AP3S1: variants seen among roughly 807,000 people sequenced by gnomAD.
AP3S1 encodes the protein adaptor related protein complex 3 subunit sigma 1, also known as AP-3 complex subunit sigma-1.
AP3S1 carries 12 observed loss-of-function variants against 21.3 expected under a neutral mutation model. The observed-to-expected ratio is 0.56, with a 90% CI of 0.36 to 0.91. The LOEUF (loss-of-function observed/expected upper bound fraction) is 0.91. AP3S1 is among the 40% of genes least tolerant of loss of function. The pLI is 0.01. For missense variants in AP3S1, 116 were observed against 225.0 expected, an observed-to-expected ratio of 0.52 and a Z score of 3.10; for synonymous variants, 48 against 78.4, an observed-to-expected ratio of 0.61 and a Z score of 2.05.
In AP3S1 at chr5:115,880,972, G is replaced by A. The variant is rs528463987; in HGVS notation, c.273+10844G>A. On this transcript the variant is annotated intron_variant, in intron 3 of 5. Transcript: ENST00000316788. ...TGTGATGCCCTTCTTTGTCTTTTTTGATCTTTGTTGGTTTAAAGTCTGTTT... is the reference window on the plus strand; with the variant it reads ...TGTGATGCCCTTCTTTGTCTTTTTTAATCTTTGTTGGTTTAAAGTCTGTTT... Among the ~76,000 whole-genome samples the A allele has an allele frequency of 8.6e-4, 130 of 151,618 alleles. 2 individuals carry two copies. Among genetic ancestry groups the A allele is most frequent in the African/African-American group, 3.0e-3 (125 of 41,378 alleles).
chr5:115,912,427 G>A (rs115474128), intron 5 of AP3S1, among the ~76,000 whole-genome samples: 527 of 152,072 alleles, frequency 3.5e-3, no homozygotes, highest in African/African-American at 0.012. Flanking sequence ...GGCTGTTAAC[G>A]TAGGTGAGAA....
At chr5:115,844,879 C>T (rs1056482022) in intron 1 of AP3S1, among the ~76,000 whole-genome samples, 14 of 152,114 alleles carry the variant, frequency 9.2e-5, no homozygotes, top group African/African-American at 3.4e-4. Flanking sequence ...CTTGAAGGAA[C>T]GTATCAGATT....
intron 3 of AP3S1, among the ~76,000 whole-genome samples, chr5:115,890,618 A>G (rs1310059754): frequency 1.3e-5 from 2 of 152,202 alleles, no homozygotes; most frequent in South Asian, 2.1e-4. Context: ...GTACTTTTCT[A>G]TGTGTATGTT....
At chr5:115,908,856 G>A (rs1380576271) in intron 5 of AP3S1, 10 of 374,714 alleles carry the variant, frequency 2.7e-5, no homozygotes, top group Admixed American at 6.5e-5. Context: ...TTAAACTATT[G>A]ACATTTTCTT....
At chr5:115,907,529 TA>T (rs1477908955) in intron 5 of AP3S1, among the ~76,000 whole-genome samples, 10 of 152,166 alleles carry the variant, frequency 6.6e-5, no homozygotes, top group African/African-American at 2.4e-4. Context: ...AACTTGACTG[TA>T]TTTCAAACTA....
At chr5:115,861,552 AT>A (rs1561482888) in intron 1 of AP3S1, among the ~76,000 whole-genome samples, 4 of 152,190 alleles carry the variant, frequency 2.6e-5, no homozygotes, top group Admixed American at 2.0e-4. Context: ...TTAAAAAGTT[AT>A]TATTAAAAAA....
At chr5:115,843,341 C>T (rs1174563386) in intron 1 of AP3S1, among the ~76,000 whole-genome samples, 4 of 152,204 alleles carry the variant, frequency 2.6e-5, no homozygotes, top group Non-Finnish European at 5.9e-5. Flanking sequence ...ATAATGCAGT[C>T]TGGAGGTGTT....
In AP3S1 at chr5:115,902,918, G is replaced by A; in HGVS notation, c.379G>A (p.Gly127Arg). 2 of 1,613,356 alleles carry A rather than the reference G, an allele frequency of 1.2e-6. No individual in the cohort carries two copies. Among genetic ancestry groups the A allele is most frequent in the Non-Finnish European group, 1.7e-6 (2 of 1,179,826 alleles). ...HNILAEMVMG[G>R]MVLETNMNEI... ...TATTCTTGCAGAAATGGTGATGGGG[G>A]GAATGGTATTGGAGACAAATATGAA... Residue 127 changes from glycine to arginine, a missense_variant, in exon 5 of 6, where the codon GGA becomes AGA. Physicochemically the swap from Gly to Arg is moderately radical, Grantham distance 125. Transcript: ENST00000316788.
chr5:115,912,862 T>C (rs1443239185), intron 5 of AP3S1, among the ~76,000 whole-genome samples: 1 of 152,110 alleles, frequency 6.6e-6, no homozygotes, highest in Non-Finnish European at 1.5e-5. Flanking sequence ...ACTAATTTTA[T>C]TGTTTTAAAA....
intron 1 of AP3S1, among the ~76,000 whole-genome samples, chr5:115,860,466 A>G (rs762427068): frequency 2.0e-4 from 31 of 152,174 alleles, no homozygotes; most frequent in Non-Finnish European, 4.1e-4. Context: ...TAATAAAATT[A>G]TGAACTTTTG....
In AP3S1 at chr5:115,903,131, A is replaced by G. The variant is rs182809021; in HGVS notation, c.453+139A>G. The G allele has an allele frequency of 9.7e-6, 6 of 617,888 alleles. No homozygotes were observed. The East Asian group carries it at 1.9e-4, about 20-fold the overall frequency. The allele number at this position is 617,888 out of a possible 1,614,324, so 38.3% of individuals were successfully genotyped here. A position where few individuals can be genotyped will look rare whatever the true frequency, so the allele number is the denominator to read the frequency against. On this transcript the variant is annotated intron_variant, in intron 5 of 5. Transcript: ENST00000316788. ...TGCTTATTCAGTTTTTAAAAAATGGAATATACACGTAGTATGCTAAAGGTT... is the reference window on the plus strand; with the variant it reads ...TGCTTATTCAGTTTTTAAAAAATGGGATATACACGTAGTATGCTAAAGGTT...
chr5:115,902,967 C>T lies in AP3S1; in HGVS notation c.428C>T (p.Ala143Val). ...AATGAGATTGTTACACAAATTGATG[C>T]ACAAAATAAGCTGGAAAAATCTGAG... Reference protein sequence around the residue: ...NMNEIVTQIDAQNKLEKSEAG... With the variant: ...NMNEIVTQIDVQNKLEKSEAG... Residue 143 changes from alanine to valine, a missense_variant, in exon 5 of 6, where the codon GCA becomes GTA. Coordinates refer to ENST00000316788, the MANE Select transcript of AP3S1 (RefSeq NM_001284.4). 6.2e-7 allele frequency: 1 copy of T among 1,613,686 alleles called. No homozygotes were observed. Among genetic ancestry groups the T allele is most frequent in the Non-Finnish European group, 8.5e-7 (1 of 1,179,822 alleles).
intron 5 of AP3S1, among the ~76,000 whole-genome samples, chr5:115,911,695 T>C (rs1487853852): frequency 6.6e-6 from 1 of 152,044 alleles, no homozygotes; most frequent in Non-Finnish European, 1.5e-5. Context: ...GCTAGACCTT[T>C]AACTTGAAAC....
chr5:115,871,582 C>G (rs1213273909), intron 3 of AP3S1, among the ~76,000 whole-genome samples: 1 of 152,016 alleles, frequency 6.6e-6, no homozygotes, highest in African/African-American at 2.4e-5. Flanking sequence ...TTACTGATGT[C>G]TTACTTTCCT....
chr5:115,896,772 C>A (rs1561519102), intron 4 of AP3S1, among the ~76,000 whole-genome samples: 1 of 151,838 alleles, frequency 6.6e-6, no homozygotes, highest in Admixed American at 6.6e-5. Context: ...AGAGTGAGAC[C>A]CTGTATCAAA....
At chr5:115,879,917 T>C (rs1314110691) in intron 3 of AP3S1, among the ~76,000 whole-genome samples, 1 of 152,214 alleles carries the variant, frequency 6.6e-6, no homozygotes, top group East Asian at 1.9e-4. Flanking sequence ...TTCGACTTCT[T>C]CCTGGTTTAA....
At chr5:115,897,428 A>G (rs921775212) in intron 4 of AP3S1, among the ~76,000 whole-genome samples, 1 of 152,184 alleles carries the variant, frequency 6.6e-6, no homozygotes, top group African/African-American at 2.4e-5. Flanking sequence ...CGCCAAGACA[A>G]TGCTAACTTT....
At chr5:115,883,175 G>C (rs566474085) in intron 3 of AP3S1, among the ~76,000 whole-genome samples, 79 of 152,330 alleles carry the variant, frequency 5.2e-4, no homozygotes, top group African/African-American at 1.8e-3. Context: ...TAGACCACCT[G>C]GCTCCCTGGC....
chr5:115,858,895 T>C (rs1762975596), intron 1 of AP3S1, among the ~76,000 whole-genome samples: 1 of 150,998 alleles, frequency 6.6e-6, no homozygotes, highest in Non-Finnish European at 1.5e-5. Flanking sequence ...TCTGAGTTGC[T>C]TTTTCCCCTA....
Sources: allele counts gnomAD v4.1 joint callset (sites outside exome capture counted in the v4.1 genomes callset), GRCh38; gene constraint gnomAD v4.1.1; transcripts MANE v1.5; gene names NCBI Gene and HGNC (gene_info 2026-07-23, HGNC 2026-07-21).